DLG2: variants seen among roughly 807,000 people sequenced by gnomAD.
The protein encoded by DLG2 is disks large homolog 2.
A neutral mutation model predicts 132.5 loss-of-function variants in DLG2; 45 were observed. That is an observed-to-expected ratio of 0.34 (90% confidence interval 0.27 to 0.44). DLG2 has a LOEUF of 0.44. Ranked by LOEUF, DLG2 falls within the 20% of genes least tolerant of loss-of-function variation. The pLI is 1.00. For missense variants in DLG2, 1,045 were observed against 1,196.9 expected (o/e 0.87, Z 1.87); for synonymous variants, 424 against 419.6 (o/e 1.01, Z -0.13).
chr11:83,813,410 C>A (rs2047912823), intron 17 of DLG2, among the ~76,000 whole-genome samples: 1 of 152,244 alleles, frequency 6.6e-6, no homozygotes, highest in South Asian at 2.1e-4. Context: ...AAAATTCCAT[C>A]CTTTGCAGGA....
intron 6 of DLG2, among the ~76,000 whole-genome samples, chr11:85,071,633 C>G (rs942416219): frequency 6.6e-6 from 1 of 151,620 alleles, no homozygotes; most frequent in Non-Finnish European, 1.5e-5. Flanking sequence ...TTTATGACAG[C>G]CAACTCCAAA....
At chr11:84,697,303 A>T (rs541064004) in intron 6 of DLG2, among the ~76,000 whole-genome samples, 2 of 151,564 alleles carry the variant, frequency 1.3e-5, no homozygotes, top group Non-Finnish European at 3.0e-5. Context: ...ACAAGCCAAC[A>T]TCTTATGGCA....
chr11:85,526,805 T>C (rs2153186878), intron 3 of DLG2, among the ~76,000 whole-genome samples: 1 of 152,254 alleles, frequency 6.6e-6, no homozygotes, highest in East Asian at 1.9e-4. Context: ...CTAGAGACCT[T>C]TGTACTTGTT....
intron 6 of DLG2, among the ~76,000 whole-genome samples, chr11:85,083,187 A>G (rs768996463): frequency 6.6e-6 from 1 of 152,164 alleles, no homozygotes; most frequent in Admixed American, 6.5e-5. Flanking sequence ...AAAACTGCAG[A>G]AAAGCAGTTA....
intron 6 of DLG2, among the ~76,000 whole-genome samples, chr11:84,752,650 G>T (rs1243221799): frequency 2.1e-5 from 3 of 142,656 alleles, no homozygotes; most frequent in East Asian, 4.1e-4. Context: ...CATGTGCCAT[G>T]CTGGTGCGCT....
chr11:85,623,572 G>A (rs1001328799), intron 2 of DLG2, among the ~76,000 whole-genome samples: 1 of 152,066 alleles, frequency 6.6e-6, no homozygotes, highest in Non-Finnish European at 1.5e-5. Context: ...CAAAGTGCTG[G>A]GATTACAGGC....
chr11:85,533,789 C>A (rs1477017679), intron 3 of DLG2, among the ~76,000 whole-genome samples: 4 of 152,208 alleles, frequency 2.6e-5, no homozygotes, highest in Admixed American at 2.6e-4. Flanking sequence ...CAGCGCTACG[C>A]CTGAGAGAAG....
intron 7 of DLG2, among the ~76,000 whole-genome samples, chr11:84,431,687 C>T (rs1000513319): frequency 6.6e-6 from 1 of 151,816 alleles, no homozygotes; most frequent in Non-Finnish European, 1.5e-5. Context: ...ATTAATATTA[C>T]CAGATAAATA....
At chr11:85,036,683 G>A (rs1367128451) in intron 6 of DLG2, among the ~76,000 whole-genome samples, 2 of 152,070 alleles carry the variant, frequency 1.3e-5, no homozygotes, top group African/African-American at 4.8e-5. Context: ...AGTATGTTAT[G>A]CCTACTCTGT....
chr11:83,758,356 C>A (rs1384087299), intron 18 of DLG2, among the ~76,000 whole-genome samples: 1 of 152,150 alleles, frequency 6.6e-6, no homozygotes, highest in Non-Finnish European at 1.5e-5. Context: ...CCCCATAACC[C>A]AGTCCATCAG....
At chr11:85,481,655 C>G (rs541147409) in intron 3 of DLG2, among the ~76,000 whole-genome samples, 82 of 152,272 alleles carry the variant, frequency 5.4e-4, no homozygotes, top group African/African-American at 1.9e-3. Flanking sequence ...AGTATCCAGG[C>G]TGCCCCATGA....
At chr11:83,999,786 A>T (rs1346771692) in intron 11 of DLG2, among the ~76,000 whole-genome samples, 1 of 152,116 alleles carries the variant, frequency 6.6e-6, no homozygotes, top group Non-Finnish European at 1.5e-5. Flanking sequence ...AATCATACAA[A>T]GACTACATTA....
intron 10 of DLG2, among the ~76,000 whole-genome samples, chr11:84,059,758 C>T (rs758203376): frequency 7.2e-5 from 11 of 152,106 alleles, no homozygotes; most frequent in African/African-American, 1.2e-4. Context: ...CTTACACATA[C>T]GGCATAGTTA....
chr11:85,121,818 G>T (rs1424580810), intron 5 of DLG2, among the ~76,000 whole-genome samples: 1 of 152,070 alleles, frequency 6.6e-6, no homozygotes. Flanking sequence ...ACTATTTATT[G>T]TGAAATGCAC....
intron 6 of DLG2, among the ~76,000 whole-genome samples, chr11:84,577,197 T>A (rs778854893): frequency 7.9e-5 from 12 of 152,360 alleles, no homozygotes; most frequent in Middle Eastern, 3.4e-3. Context: ...CCTCTTTTTG[T>A]TCCCAGTTTG....
chr11:84,668,611 A>C (rs897539369), intron 6 of DLG2, among the ~76,000 whole-genome samples: 2 of 152,140 alleles, frequency 1.3e-5, no homozygotes, highest in Admixed American at 1.3e-4. Context: ...AAAAATCAGC[A>C]TTCTAAGAAA....
chr11:84,278,479 T>A (rs2097810166), intron 7 of DLG2, among the ~76,000 whole-genome samples: 1 of 152,096 alleles, frequency 6.6e-6, no homozygotes, highest in Admixed American at 6.5e-5. Context: ...ATCATTTTTT[T>A]TTTTTGAGGC....
chr11:84,557,048 C>T (rs1444862276), intron 6 of DLG2, among the ~76,000 whole-genome samples: 1 of 152,156 alleles, frequency 6.6e-6, no homozygotes, highest in African/African-American at 2.4e-5. Context: ...GTATAATTCC[C>T]TGTTTTCCCC....
chr11:84,881,512 G>T (rs1001914184), intron 6 of DLG2, among the ~76,000 whole-genome samples: 2 of 152,038 alleles, frequency 1.3e-5, no homozygotes, highest in Non-Finnish European at 2.9e-5. Context: ...CAATTCAAAG[G>T]GTCCAGTATT....
Sources: allele counts gnomAD v4.1 joint callset (sites outside exome capture counted in the v4.1 genomes callset), GRCh38; gene constraint gnomAD v4.1.1; transcripts MANE v1.5; gene names NCBI Gene and HGNC (gene_info 2026-07-23, HGNC 2026-07-21).